The following RHOT1 variants were observed in gnomAD, a reference collection of about 807,000 sequenced individuals.
RHOT1 encodes mitochondrial Rho GTPase 1.
Under a neutral mutation model 95.3 loss-of-function variants are expected in RHOT1, and 27 were observed. The ratio of observed to expected loss-of-function variants is 0.28; its 90% confidence interval spans 0.21 to 0.39. RHOT1 has a LOEUF of 0.39. Among genes scored for constraint, RHOT1 ranks in the 10% least tolerant of loss-of-function variants. RHOT1 has a pLI of 1.00. For synonymous variants in RHOT1, 227 were observed against 263.5 expected (o/e 0.86, Z 1.34); for missense variants, 578 against 786.7 (o/e 0.73, Z 3.17).
At chr17:32,202,151 C>T (rs1162310790) in intron 14 of RHOT1, among the ~76,000 whole-genome samples, 4 of 152,164 alleles carry the variant, frequency 2.6e-5, no homozygotes, top group Non-Finnish European at 5.9e-5. Flanking sequence ...ACCTTGTGAT[C>T]TGCCCCTGTT....
chr17:32,169,851 C>CA (rs933886397), intron 1 of RHOT1, among the ~76,000 whole-genome samples: 16 of 151,320 alleles, frequency 1.1e-4, no homozygotes, highest in African/African-American at 3.4e-4. Flanking sequence ...ATTAAAAATA[C>CA]AAAAAAAATT....
intron 1 of RHOT1, among the ~76,000 whole-genome samples, chr17:32,165,155 G>A (rs2033942784): frequency 6.6e-6 from 1 of 151,966 alleles, no homozygotes; most frequent in South Asian, 2.1e-4. Context: ...GGCTAACACG[G>A]TGAAACCCCA....
intron 19 of RHOT1, among the ~76,000 whole-genome samples, chr17:32,223,575 C>T (rs1003727880): frequency 2.0e-5 from 3 of 151,894 alleles, no homozygotes; most frequent in Admixed American, 6.6e-5. Context: ...CCACCATGCC[C>T]GGCCACTTTT....
intron 1 of RHOT1, among the ~76,000 whole-genome samples, chr17:32,148,179 G>A (rs2031668516): frequency 6.6e-6 from 1 of 151,950 alleles, no homozygotes; most frequent in African/African-American, 2.4e-5. Flanking sequence ...CCAGAAGAAT[G>A]GCATGAATCC....
chr17:32,166,802 C>T (rs2034126064), intron 1 of RHOT1, among the ~76,000 whole-genome samples: 2 of 152,196 alleles, frequency 1.3e-5, no homozygotes, highest in Admixed American at 1.3e-4. Context: ...TCCACCATAT[C>T]TGCAATTCCT....
intron 19 of RHOT1, among the ~76,000 whole-genome samples, chr17:32,216,920 A>G (rs2038513679): frequency 6.6e-6 from 1 of 152,178 alleles, no homozygotes; most frequent in Non-Finnish European, 1.5e-5. Context: ...CCTTGTATGA[A>G]GGTCCTTATA....
At chr17:32,197,149 G>T (rs930333397) in intron 11 of RHOT1, among the ~76,000 whole-genome samples, 2 of 151,768 alleles carry the variant, frequency 1.3e-5, no homozygotes, top group Admixed American at 6.6e-5. Context: ...AAATGTCTTT[G>T]TGGTCCACCT....
intron 1 of RHOT1, among the ~76,000 whole-genome samples, chr17:32,152,229 T>C (rs1427119461): frequency 2.0e-5 from 3 of 152,232 alleles, no homozygotes; most frequent in Admixed American, 6.5e-5. Context: ...CCAGAGTGTT[T>C]TCTTTCCTAT....
At chr17:32,189,290 A>C (rs2036287079) in intron 8 of RHOT1, among the ~76,000 whole-genome samples, 1 of 152,134 alleles carries the variant, frequency 6.6e-6, no homozygotes, top group Non-Finnish European at 1.5e-5. Context: ...CAGAGCGAGG[A>C]GACCCCACCT....
At position 32,195,136 on chromosome 17, in the gene RHOT1, T is replaced by A. The variant is rs1368345085; in HGVS notation, c.869+1029T>A. 1.2e-4 allele frequency among the ~76,000 whole-genome samples: 18 copies of A among 151,768 alleles called. No homozygotes were observed. The East Asian group carries it at 3.5e-3, about 29-fold the overall frequency. ...CACTGCACCCGGCCTTTTTTTTTTT[T>A]CCCTAAGAGACAAGGTCTCATTTTG... is the stretch of plus-strand genomic sequence containing the variant. On this transcript the variant is annotated intron_variant, in intron 11 of 19. Transcript: ENST00000545287.
intron 6 of RHOT1, among the ~76,000 whole-genome samples, chr17:32,178,244 T>C (rs1241218227): frequency 7.0e-6 from 1 of 143,170 alleles, no homozygotes; most frequent in Non-Finnish European, 1.5e-5. Context: ...GAGTCTGGAC[T>C]GTACTGCCGT....
At chr17:32,216,847 G>A (rs754588899) in intron 19 of RHOT1, among the ~76,000 whole-genome samples, 22 of 152,078 alleles carry the variant, frequency 1.4e-4, no homozygotes, top group Admixed American at 4.6e-4. Flanking sequence ...GGGATATTAC[G>A]TTATAGTAAA....
At chr17:32,181,313 C>CA (rs1258429093) in intron 6 of RHOT1, among the ~76,000 whole-genome samples, 1 of 152,082 alleles carries the variant, frequency 6.6e-6, no homozygotes, top group African/African-American at 2.4e-5. Flanking sequence ...AAAACAGAAA[C>CA]AAAAAATCAT....
rs901548960 is a variant in RHOT1, at chr17:32,146,427, G to GTAT, written c.37+3715_37+3717dup. Reference sequence around the variant, plus strand: ...GTCATAAAAATTTGATCATTTTTCTGTATTATTATTATTATTATTTTTATT... The same window carrying GTAT: ...GTCATAAAAATTTGATCATTTTTCTGTATTATTATTATTATTATTATTTTTATT... On this transcript the variant is annotated intron_variant, in intron 1 of 19. Transcript: ENST00000545287. Among the ~76,000 whole-genome samples, 341 of 151,542 alleles carry GTAT rather than the reference G, an allele frequency of 2.3e-3. 2 individuals are homozygous for GTAT. Among genetic ancestry groups the GTAT allele is most frequent in the African/African-American group, 7.4e-3 (306 of 41,422 alleles).
At chr17:32,194,484 T>C (rs1458814046) in intron 11 of RHOT1, among the ~76,000 whole-genome samples, 1 of 152,142 alleles carries the variant, frequency 6.6e-6, no homozygotes, top group African/African-American at 2.4e-5. Flanking sequence ...CATCCGTAGA[T>C]GTCAGTGACA....
intron 19 of RHOT1, chr17:32,221,059 G>C: frequency 1.0e-6 from 1 of 983,916 alleles, no homozygotes; most frequent in Non-Finnish European, 1.2e-6. Context: ...AATTATTTCT[G>C]CTTAAGTTTA....
chr17:32,173,455 C>T (rs887941786), intron 2 of RHOT1, among the ~76,000 whole-genome samples: 3 of 152,156 alleles, frequency 2.0e-5, no homozygotes, highest in Admixed American at 6.5e-5. Flanking sequence ...AATACTCAGC[C>T]TGTGATCCCA....
chr17:32,143,356 C>G (rs1169002827), intron 1 of RHOT1, among the ~76,000 whole-genome samples: 1 of 152,216 alleles, frequency 6.6e-6, no homozygotes, highest in African/African-American at 2.4e-5. Context: ...AGTACTTGTA[C>G]TTTGCATTGG....
chr17:32,143,960 T>A (rs973492533), intron 1 of RHOT1, among the ~76,000 whole-genome samples: 2 of 152,234 alleles, frequency 1.3e-5, no homozygotes, highest in African/African-American at 4.8e-5. Context: ...AATCTTCCTT[T>A]AGAATTAGAA....
Sources: allele counts gnomAD v4.1 joint callset (sites outside exome capture counted in the v4.1 genomes callset), GRCh38; gene constraint gnomAD v4.1.1; transcripts MANE v1.5; gene names NCBI Gene and HGNC (gene_info 2026-07-23, HGNC 2026-07-21).